Variants in CACNA1I observed in about 807,000 individuals in gnomAD.
CACNA1I encodes the protein voltage-dependent T-type calcium channel subunit alpha-1I.
A neutral mutation model predicts 201.6 loss-of-function variants in CACNA1I; 74 were observed. The observed-to-expected ratio is 0.37, with a 90% CI of 0.30 to 0.45. The LOEUF is 0.45. CACNA1I is among the 20% of genes least tolerant of loss of function. The probability of loss-of-function intolerance (pLI) is 1.00; values close to 1 mark genes in which losing one functional copy is unlikely to be tolerated. For missense variants in CACNA1I, 2,346 were observed against 3,138.1 expected (o/e 0.75, Z 6.03); for synonymous variants, 1,431 against 1,345.2 (o/e 1.06, Z -1.40).
chr22:39,616,075 T>C (rs994442160), intron 3 of CACNA1I, among the ~76,000 whole-genome samples: 6 of 152,202 alleles, frequency 3.9e-5, no homozygotes, highest in Non-Finnish European at 7.3e-5. Context: ...AGACATAGAC[T>C]GCAGGTGTGT....
At chr22:39,673,181 G>A (rs1483950547) in intron 28 of CACNA1I, 99 bp downstream of exon 28, 1 of 1,078,938 alleles carries the variant, frequency 9.3e-7, no homozygotes, top group Non-Finnish European at 1.3e-6. Flanking sequence ...GTGGGGAGGG[G>A]TGGGGGCAGG....
Position 39,659,936 on chromosome 22 carries a change from G to C in CACNA1I, c.2604+84G>C. ...GGAGAGGTGGCCTGGATGGGGGAGG[G>C]CTGCAATTCAAACTTCTAGCAGGCA... On this transcript the variant is annotated intron_variant, in intron 14 of 36. Transcript: ENST00000402142. This position sits in a 1 kb window ranked among gnomAD's most constrained non-coding sequence, Gnocchi z 4.3. 5 of 1,525,594 alleles carry C rather than the reference G, an allele frequency of 3.3e-6. No individual in the cohort carries two copies. The highest frequency in any genetic ancestry group is 4.5e-6 in the Non-Finnish European group (5 of 1,107,146). 94.5% of individuals were successfully genotyped at this position (1,525,594 alleles called of 1,614,324 possible).
chr22:39,621,268 C>G (rs1933735843), intron 4 of CACNA1I, among the ~76,000 whole-genome samples: 1 of 152,242 alleles, frequency 6.6e-6, no homozygotes, highest in Non-Finnish European at 1.5e-5. Context: ...CTTCTCTTCC[C>G]TGCCTGAGCT....
chr22:39,682,760 A>C lies in CACNA1I; in HGVS notation c.5830+99A>C, dbSNP rs1935744054. On this transcript the variant is annotated intron_variant, in intron 35 of 36. Coordinates refer to ENST00000402142, the MANE Select transcript of CACNA1I (RefSeq NM_021096.4). ...TTTTTTCCTTAGTATTTTTACCCAGATTATTATATTTAGTCCAGAAAGAAC... is the reference window on the plus strand; with the variant it reads ...TTTTTTCCTTAGTATTTTTACCCAGCTTATTATATTTAGTCCAGAAAGAAC... The C allele has an allele frequency of 3.0e-6, 3 of 1,015,414 alleles. No individual in the cohort carries two copies. In the Admixed American group the frequency reaches 8.1e-5, roughly 27 times the overall value. The allele number at this position is 1,015,414 out of a possible 1,614,324, so 62.9% of individuals were successfully genotyped here. A position where few individuals can be genotyped will look rare whatever the true frequency, so the allele number is the denominator to read the frequency against.
chr22:39,679,492 C>CGCAGGGCCAGATGGGCA, intron 32 of CACNA1I, 47 bp downstream of exon 32: 1 of 1,313,406 alleles, frequency 7.6e-7, no homozygotes, highest in Non-Finnish European at 1.0e-6. Context: ...GGGGGGGCAC[C>CGCAGGGCCAGATGGGCA]GCAGGGCCAG....
intron 7 of CACNA1I, among the ~76,000 whole-genome samples, chr22:39,643,929 G>A (rs1027984751): frequency 2.0e-5 from 3 of 152,244 alleles, no homozygotes; most frequent in Admixed American, 1.3e-4. Flanking sequence ...CCCTGTCCTC[G>A]AGGAGCTCAC....
rs983687189 is a variant in CACNA1I at position 39,685,850 on chromosome 22, C to T, written c.6117C>T (p.Ser2039=). The T allele has an allele frequency of 2.0e-6, 3 of 1,480,420 alleles. No individual in the cohort carries two copies. The highest frequency in any genetic ancestry group is 6.0e-5 in the East Asian group (2 of 33,510). 91.7% of individuals were successfully genotyped at this position (1,480,420 alleles called of 1,614,324 possible). ...CGCTCGAGGACAGCCTGACCCTGAGCGACAGCCCCCGGCGTGCCCTGGGGC... is the reference window on the plus strand; with the variant it reads ...CGCTCGAGGACAGCCTGACCCTGAGTGACAGCCCCCGGCGTGCCCTGGGGC... ...QTTLEDSLTL[S]DSPRRALGPP... The change falls in exon 37 of 37, where the codon AGC becomes AGT. Residue 2039 remains serine (S), a synonymous_variant. Transcript: ENST00000402142. The surrounding 1 kb of genome is among the most constrained non-coding windows in gnomAD (Gnocchi z 5.0).
At chr22:39,579,187 A>T (rs1483457419) in intron 1 of CACNA1I, among the ~76,000 whole-genome samples, 2 of 152,184 alleles carry the variant, frequency 1.3e-5, no homozygotes, top group African/African-American at 2.4e-5. Context: ...GGCACTCTCC[A>T]GTTCACAGAG....
At position 39,688,894 on chromosome 22, in the gene CACNA1I, G is replaced by A. The variant is rs1185653964; in HGVS notation, c.*2489G>A. On this transcript the variant is annotated 3_prime_UTR_variant, in exon 37 of 37. Transcript: ENST00000402142. This position sits in a 1 kb window ranked among gnomAD's most constrained non-coding sequence, Gnocchi z 4.8. Reference sequence around the variant, plus strand: ...GAGAAGCTCCTTGCAGGGAGCACTGGGAGATGGCCTGGCCCGTCCCAGGCT... The same window carrying A: ...GAGAAGCTCCTTGCAGGGAGCACTGAGAGATGGCCTGGCCCGTCCCAGGCT... 2 of 152,606 alleles carry A rather than the reference G, an allele frequency of 1.3e-5. No homozygotes were observed. The highest frequency in any genetic ancestry group is 3.9e-4 in the East Asian group (2 of 5,172). 9.5% of individuals were successfully genotyped at this position (152,606 alleles called of 1,614,324 possible). A position where few individuals can be genotyped will look rare whatever the true frequency, so the allele number is the denominator to read the frequency against.
Position 39,662,795 on chromosome 22 carries a change from G to T in CACNA1I, c.3392G>T (p.Arg1131Leu), listed in dbSNP as rs373551286. The change falls in exon 18 of 37, where the codon CGC becomes CTC. Residue 1131 changes from arginine to leucine, a missense_variant. By Grantham distance (102) the Arg-to-Leu change is moderately radical. Transcript: ENST00000402142. The part of the protein sequence containing the change: ...EIDYTLCFRV[R>L]KMIDVYKPDW... ...TGCTAGACCCTGTGCTTCCGCGTCC[G>T]CAAGATGATCGACGTCTATAAGCCC... 20 of 1,593,992 alleles carry T rather than the reference G, an allele frequency of 1.3e-5. No individual in the cohort carries two copies. Among genetic ancestry groups the T allele is most frequent in the African/African-American group, 1.3e-5 (1 of 74,426 alleles).
Position 39,662,367 on chromosome 22 carries a change from G to T in CACNA1I, c.3304G>T (p.Ala1102Ser), listed in dbSNP as rs57288507. Residue 1102 changes from alanine (A) to serine (S), a missense_variant, in exon 17 of 37, where the codon GCC becomes TCC. This residue lies in a region of CACNA1I where 288 missense variants were observed against 255.2 expected (regional missense o/e 1.13). Coordinates refer to ENST00000402142, the MANE Select transcript of CACNA1I (RefSeq NM_021096.4). ...EDCNGRMPSIAKDVFTKMGDR... is the reference protein window; with the variant it reads ...EDCNGRMPSISKDVFTKMGDR... ...CTGCAATGGCAGGATGCCCAGCATCGCCAAAGACGTCTTCACCAAGATGGG... is the reference window on the plus strand; with the variant it reads ...CTGCAATGGCAGGATGCCCAGCATCTCCAAAGACGTCTTCACCAAGATGGG... 6.7e-7 allele frequency: 1 copy of T among 1,481,988 alleles called. No individual in the cohort carries two copies. The allele number at this position is 1,481,988 out of a possible 1,614,324, so 91.8% of individuals were successfully genotyped here.
intron 24 of CACNA1I, among the ~76,000 whole-genome samples, chr22:39,669,750 C>G (rs1935313288): frequency 6.6e-6 from 1 of 152,018 alleles, no homozygotes; most frequent in Non-Finnish European, 1.5e-5. Flanking sequence ...TGGATGGATG[C>G]ATGCATAGGT....
rs1165493763 is a variant in CACNA1I, at chr22:39,687,820, A to C, written c.*1415A>C. 6.6e-6 allele frequency: 1 copy of C among 152,240 alleles called. No individual in the cohort carries two copies. The highest frequency in any genetic ancestry group is 2.4e-5 in the African/African-American group (1 of 41,458). 9.4% of individuals were successfully genotyped at this position (152,240 alleles called of 1,614,324 possible). On this transcript the variant is annotated 3_prime_UTR_variant, in exon 37 of 37. Coordinates refer to ENST00000402142, the MANE Select transcript of CACNA1I (RefSeq NM_021096.4). ...ATTTCACAGACATTTTGCTTAGGTC[A>C]AGGCTACTTTTTAAAAAGGGAGTGA... is the stretch of plus-strand genomic sequence containing the variant.
Position 39,664,895 on chromosome 22 carries a change from C to A in CACNA1I, c.3823C>A (p.Arg1275=). The change falls in exon 21 of 37, where the codon CGG becomes AGG. Residue 1275 remains arginine, a synonymous_variant. Coordinates refer to ENST00000402142, the MANE Select transcript of CACNA1I (RefSeq NM_021096.4). The part of the protein sequence containing the change: ...AKILGVLRVL[R]LLRTLRPLRV... ...GATCTTGGGGGTCCTCCGAGTCTTG[C>A]GGCTCCTGCGCACCCTACGCCCCCT... 1 of 1,612,598 alleles carries A rather than the reference C, an allele frequency of 6.2e-7. No homozygotes were observed. Among genetic ancestry groups the A allele is most frequent in the Non-Finnish European group, 8.5e-7 (1 of 1,179,818 alleles).
At chr22:39,641,323 C>A in intron 6 of CACNA1I, 141 bp downstream of exon 6, 2 of 667,752 alleles carry the variant, frequency 3.0e-6, no homozygotes, top group Non-Finnish European at 5.1e-6. Context: ...CATTATCATG[C>A]CCATTTTATA....
intron 4 of CACNA1I, among the ~76,000 whole-genome samples, chr22:39,626,600 G>GT (rs35816156): frequency 7.3e-4 from 109 of 148,562 alleles, no homozygotes; most frequent in Non-Finnish European, 8.7e-4. Context: ...AGTGGCTAAA[G>GT]TTTTTTTTTT....
rs1932155564 is a variant in CACNA1I, at chr22:39,570,806, G to C, written c.54G>C (p.Glu18Asp). 1.2e-6 allele frequency: 2 copies of C among 1,613,190 alleles called. No individual in the cohort carries two copies. Among genetic ancestry groups the C allele is most frequent in the African/African-American group, 2.7e-5 (2 of 74,886 alleles). The change falls in exon 1 of 37, where the codon GAG becomes GAC. Residue 18 changes from glutamate (E) to aspartate (D), a missense_variant. By Grantham distance (45) the Glu-to-Asp change is conservative. Transcript: ENST00000402142. ...PSSSAAAPAA[E>D]PGVTTEQPGP... ...CATCTGCAGCAGCCCCAGCCGCTGAGCCAGGAGTCACCACGGAGCAGCCCG... is the reference window on the plus strand; with the variant it reads ...CATCTGCAGCAGCCCCAGCCGCTGACCCAGGAGTCACCACGGAGCAGCCCG...
chr22:39,585,386 C>CT lies in CACNA1I; in HGVS notation c.237-12744dup, dbSNP rs67733131. ...GCTTTTTTTCTTTCTTTCTTTCTTT[C>CT]TTTTTTTTTTTTTTTTTTTTTGAGA... On this transcript the variant is annotated intron_variant, in intron 1 of 36. Coordinates refer to ENST00000402142, the MANE Select transcript of CACNA1I (RefSeq NM_021096.4). 3.3e-3 allele frequency among the ~76,000 whole-genome samples: 295 copies of CT among 90,460 alleles called. 3 individuals carry two copies. The highest frequency in any genetic ancestry group is 0.018 in the Admixed American group (154 of 8,438). 59.3% of individuals were successfully genotyped at this position (90,460 alleles called of 152,430 possible).
intron 4 of CACNA1I, among the ~76,000 whole-genome samples, chr22:39,620,237 GTCCATCCA>G (rs67971450): frequency 0.039 from 4,576 of 117,652 alleles, 187 homozygotes; most frequent in African/African-American, 0.11. Flanking sequence ...CCATCCACCT[GTCCATCCA>G]TCCATCCATC....
Sources: allele counts gnomAD v4.1 joint callset (sites outside exome capture counted in the v4.1 genomes callset), GRCh38; gene constraint gnomAD v4.1.1; regional missense constraint gnomAD v4.1.1; non-coding constraint Gnocchi (gnomAD v3.1); transcripts MANE v1.5; gene names NCBI Gene and HGNC (gene_info 2026-07-23, HGNC 2026-07-21).